The following MCTP2 variants were observed in gnomAD, a reference collection of about 807,000 sequenced individuals.
MCTP2 encodes multiple C2 and transmembrane domain containing 2, also known as multiple C2 and transmembrane domain-containing protein 2.
Under a neutral mutation model 111.6 loss-of-function variants are expected in MCTP2, and 132 were observed. The ratio of observed to expected loss-of-function variants is 1.18; its 90% CI spans 1.03 to 1.37. The LOEUF (loss-of-function observed/expected upper bound fraction) is 1.37. Among genes scored for constraint, MCTP2 ranks in the 40% most tolerant of loss-of-function variants. The pLI, the probability that MCTP2 is intolerant of heterozygous loss-of-function variation, is 0.00. For missense variants in MCTP2, 1,183 were observed against 1,067.9 expected (o/e 1.11, Z -1.50); for synonymous variants, 395 against 387.7 (o/e 1.02, Z -0.22).
intron 17 of MCTP2, among the ~76,000 whole-genome samples, chr15:94,408,174 G>A (rs1453574053): frequency 6.6e-6 from 1 of 152,198 alleles, no homozygotes; most frequent in African/African-American, 2.4e-5. Context: ...ACATCCACCA[G>A]AAGTCACAAC....
At chr15:94,432,462 T>C (rs944137547) in intron 17 of MCTP2, among the ~76,000 whole-genome samples, 4 of 152,176 alleles carry the variant, frequency 2.6e-5, no homozygotes, top group African/African-American at 9.6e-5. Context: ...CTTTGACCAA[T>C]GTTGGGTCAA....
rs183202791 is a variant in MCTP2, at chr15:94,307,109, C to T, written c.466-7173C>T. ...CTTCCTTCCCTTCGCACCTGTTGAACGCCTGCTTTGTGCTGATGCAGATCC... is the reference window on the plus strand; with the variant it reads ...CTTCCTTCCCTTCGCACCTGTTGAATGCCTGCTTTGTGCTGATGCAGATCC... On this transcript the variant is annotated intron_variant, in intron 2 of 22. Transcript: ENST00000357742. Among the ~76,000 whole-genome samples, 222 of 152,208 alleles carry T rather than the reference C, an allele frequency of 1.5e-3. 3 individuals are homozygous for T. Among genetic ancestry groups the T allele is most frequent in the African/African-American group, 4.9e-3 (203 of 41,512 alleles).
intron 1 of MCTP2, among the ~76,000 whole-genome samples, chr15:94,245,317 T>TATATTTACATACATATGTGTAG (rs1230297694): frequency 1.4e-5 from 2 of 142,162 alleles, no homozygotes; most frequent in South Asian, 2.2e-4. Flanking sequence ...TATATGTACA[T>TATATTTACATACATATGTGTAG]ATATTTACAT....
chr15:94,455,940 A>G (rs546580655), intron 19 of MCTP2, among the ~76,000 whole-genome samples: 37 of 152,342 alleles, frequency 2.4e-4, no homozygotes, highest in Non-Finnish European at 4.6e-4. Context: ...ATCACAAATA[A>G]TCATTCTTCG....
intron 1 of MCTP2, among the ~76,000 whole-genome samples, chr15:94,285,080 G>T (rs1388723158): frequency 6.6e-6 from 1 of 152,068 alleles, no homozygotes; most frequent in Non-Finnish European, 1.5e-5. Flanking sequence ...GGAATAGCAG[G>T]GAAAAAATAA....
In MCTP2 at chr15:94,250,866, A is replaced by T. The variant is rs150130677; in HGVS notation, c.-66+19202A>T. Among the ~76,000 whole-genome samples, 742 of 152,258 alleles carry T rather than the reference A, an allele frequency of 4.9e-3. 8 individuals are homozygous for T. Among genetic ancestry groups the T allele is most frequent in the African/African-American group, 0.017 (708 of 41,544 alleles). On this transcript the variant is annotated intron_variant, in intron 1 of 22. Coordinates refer to ENST00000357742, the MANE Select transcript of MCTP2 (RefSeq NM_001385001.1). Reference sequence around the variant, plus strand: ...TGTCTTCATTGTGTTATGAAATGTGAATTGGTGTTGGGTATTTATAGAGTG... The same window carrying T: ...TGTCTTCATTGTGTTATGAAATGTGTATTGGTGTTGGGTATTTATAGAGTG...
chr15:94,324,942 G>C (rs2076790555), intron 4 of MCTP2, among the ~76,000 whole-genome samples: 1 of 152,150 alleles, frequency 6.6e-6, no homozygotes, highest in South Asian at 2.1e-4. Flanking sequence ...CTAGAACTCT[G>C]TATTGTATAC....
intron 1 of MCTP2, among the ~76,000 whole-genome samples, chr15:94,294,721 C>T (rs2075178693): frequency 1.3e-5 from 2 of 152,076 alleles, no homozygotes; most frequent in Admixed American, 6.5e-5. Context: ...ATTCCCATTC[C>T]CAGTCTCCCT....
intron 17 of MCTP2, among the ~76,000 whole-genome samples, chr15:94,430,374 A>G (rs1191961734): frequency 3.4e-5 from 5 of 145,790 alleles, no homozygotes; most frequent in Non-Finnish European, 7.5e-5. Flanking sequence ...AAAAACAAAC[A>G]AAAAAAACCC....
At chr15:94,380,779 AG>A (rs148653245) in intron 12 of MCTP2, among the ~76,000 whole-genome samples, 5,520 of 151,854 alleles carry the variant, frequency 0.036, 153 homozygotes, top group Admixed American at 0.05. Context: ...AAAAAAAAAA[AG>A]GGGGGGTTAT....
intron 4 of MCTP2, among the ~76,000 whole-genome samples, chr15:94,324,809 T>A (rs774431294): frequency 6.6e-6 from 1 of 152,184 alleles, no homozygotes; most frequent in Non-Finnish European, 1.5e-5. Context: ...TCTTATTGTT[T>A]ATTATATTAT....
intron 16 of MCTP2, among the ~76,000 whole-genome samples, chr15:94,400,451 C>T (rs1372680676): frequency 6.6e-6 from 1 of 152,122 alleles, no homozygotes; most frequent in Admixed American, 6.6e-5. Context: ...CATGACTGCT[C>T]CTACCACTTC....
intron 1 of MCTP2, among the ~76,000 whole-genome samples, chr15:94,270,319 G>A (rs894252719): frequency 5.3e-5 from 8 of 152,204 alleles, no homozygotes; most frequent in African/African-American, 1.7e-4. Flanking sequence ...TGTAAAGTTG[G>A]AGGTAAAATT....
intron 2 of MCTP2, among the ~76,000 whole-genome samples, chr15:94,299,567 A>G (rs1044762763): frequency 2.6e-5 from 4 of 152,196 alleles, no homozygotes; most frequent in African/African-American, 9.7e-5. Flanking sequence ...CAAATATTTT[A>G]TTTCAAGGGT....
intron 19 of MCTP2, among the ~76,000 whole-genome samples, chr15:94,449,621 T>G (rs955063165): frequency 5.3e-5 from 8 of 152,224 alleles, no homozygotes; most frequent in African/African-American, 1.9e-4. Flanking sequence ...GACTTCTGCT[T>G]TCATCAAGGT....
At chr15:94,348,490 C>A in intron 8 of MCTP2, among the ~76,000 whole-genome samples, 1 of 50,948 alleles carries the variant, frequency 2.0e-5, no homozygotes, top group Admixed American at 2.6e-4. Flanking sequence ...CTCTCTCTGT[C>A]TTCCTCTCTC....
At chr15:94,476,381 T>A in intron 21 of MCTP2, 1 of 189,568 alleles carries the variant, frequency 5.3e-6, no homozygotes, top group Admixed American at 6.1e-5. Flanking sequence ...GCTGGGATTG[T>A]AATGGGATTT....
intron 19 of MCTP2, among the ~76,000 whole-genome samples, chr15:94,447,051 A>G (rs1048398539): frequency 2.6e-5 from 4 of 152,228 alleles, no homozygotes; most frequent in African/African-American, 9.7e-5. Flanking sequence ...TTAAAATTTA[A>G]GTACAGTTTA....
At chr15:94,383,665 A>T (rs1030072564) in intron 12 of MCTP2, among the ~76,000 whole-genome samples, 2 of 152,228 alleles carry the variant, frequency 1.3e-5, no homozygotes. Context: ...CTTATTCTCT[A>T]CCATGAGAAC....
Sources: gnomAD v4.1 joint callset for allele counts (sites outside exome capture counted in the v4.1 genomes callset) on GRCh38, gnomAD v4.1.1 for gene constraint, MANE v1.5 for transcripts, NCBI Gene and HGNC (gene_info 2026-07-23, HGNC 2026-07-21) for gene names.